Variants in NEGR1 observed in about 807,000 individuals in gnomAD.
NEGR1 encodes the protein neuronal growth regulator 1.
NEGR1 carries 10 observed loss-of-function variants against 40.9 expected under a neutral mutation model. The observed-to-expected ratio is 0.24, with a 90% CI of 0.15 to 0.42. The LOEUF (loss-of-function observed/expected upper bound fraction) is 0.42, where lower values mean the gene tolerates loss of function less well. Among genes scored for constraint, NEGR1 ranks in the 10% least tolerant of loss-of-function variants. The pLI is 1.00. For missense variants in NEGR1, 352 were observed against 438.9 expected (o/e 0.80, Z 1.77); for synonymous variants, 185 against 166.8 (o/e 1.11, Z -0.84).
intron 2 of NEGR1, among the ~76,000 whole-genome samples, chr1:71,789,180 G>A (rs1657022128): frequency 6.6e-6 from 1 of 152,052 alleles, no homozygotes; most frequent in African/African-American, 2.4e-5. Context: ...TCATCCCTGT[G>A]GCTGTAACTG....
chr1:71,636,526 G>T (rs1651156377), intron 4 of NEGR1, among the ~76,000 whole-genome samples: 1 of 152,004 alleles, frequency 6.6e-6, no homozygotes, highest in African/African-American at 2.4e-5. Context: ...TGGATTGACA[G>T]GAAATAGCAC....
At chr1:71,808,187 T>C (rs1296946545) in intron 2 of NEGR1, among the ~76,000 whole-genome samples, 1 of 151,970 alleles carries the variant, frequency 6.6e-6, no homozygotes, top group Non-Finnish European at 1.5e-5. Flanking sequence ...AGAGGGAAAA[T>C]CACTCTGAAA....
At chr1:71,959,734 A>G (rs1187000452) in intron 1 of NEGR1, among the ~76,000 whole-genome samples, 2 of 151,924 alleles carry the variant, frequency 1.3e-5, no homozygotes, top group African/African-American at 4.8e-5. Context: ...GTATTTTTTC[A>G]TATCCAATTT....
At chr1:72,043,848 A>G (rs543431940) in intron 1 of NEGR1, among the ~76,000 whole-genome samples, 52 of 151,904 alleles carry the variant, frequency 3.4e-4, no homozygotes, top group Non-Finnish European at 7.7e-4. Flanking sequence ...CAAGGACAAT[A>G]CAATACTCCT....
chr1:72,032,331 C>T lies in NEGR1; in HGVS notation c.177-97020G>A, dbSNP rs139644338. 5.9e-5 allele frequency among the ~76,000 whole-genome samples: 9 copies of T among 152,166 alleles called. No homozygotes were observed. In the East Asian group the frequency reaches 7.7e-4, roughly 13 times the overall value. ...ACAGAGGGGCAGGAACCAAGAAGAACGTAGTGCACAGAATAATGGGCAGAG... is the reference window on the plus strand; with the variant it reads ...ACAGAGGGGCAGGAACCAAGAAGAATGTAGTGCACAGAATAATGGGCAGAG... On this transcript the variant is annotated intron_variant, in intron 1 of 6. Transcript: ENST00000357731.
intron 1 of NEGR1, among the ~76,000 whole-genome samples, chr1:72,110,563 C>T (rs1649320977): frequency 6.6e-6 from 1 of 151,612 alleles, no homozygotes; most frequent in Non-Finnish European, 1.5e-5. Context: ...TTTTTAAAAA[C>T]TTCAGTTTAT....
chr1:72,067,606 C>T (rs553682742), intron 1 of NEGR1, among the ~76,000 whole-genome samples: 8 of 152,164 alleles, frequency 5.3e-5, no homozygotes, highest in African/African-American at 1.4e-4. Context: ...AGTAACTTTC[C>T]TAATCTGTGC....
chr1:71,731,419 T>A (rs1312851963), intron 3 of NEGR1, among the ~76,000 whole-genome samples: 1 of 152,166 alleles, frequency 6.6e-6, no homozygotes, highest in Non-Finnish European at 1.5e-5. Context: ...CACCCTGGTG[T>A]CTGAAATTAT....
At chr1:71,793,404 C>T (rs1387468426) in intron 2 of NEGR1, among the ~76,000 whole-genome samples, 2 of 147,660 alleles carry the variant, frequency 1.4e-5, no homozygotes, top group East Asian at 2.0e-4. Flanking sequence ...CCACCACGCC[C>T]GGCCTGGGAT....
At chr1:71,431,743 A>T (rs995230965) in intron 6 of NEGR1, among the ~76,000 whole-genome samples, 1 of 152,258 alleles carries the variant, frequency 6.6e-6, no homozygotes, top group African/African-American at 2.4e-5. Context: ...AAGTAGTGAT[A>T]CATTCTAAAA....
chr1:72,175,993 T>C (rs1033655577), intron 1 of NEGR1, among the ~76,000 whole-genome samples: 27 of 152,168 alleles, frequency 1.8e-4, no homozygotes, highest in African/African-American at 6.3e-4. Flanking sequence ...TAAGATACTT[T>C]GCAAGCCTTA....
chr1:71,822,910 C>T (rs1246688864), intron 2 of NEGR1, among the ~76,000 whole-genome samples: 2 of 151,978 alleles, frequency 1.3e-5, no homozygotes, highest in African/African-American at 2.4e-5. Flanking sequence ...GTATTAGAAC[C>T]GCCTGCTGAA....
At chr1:71,591,463 C>T (rs1166729132) in intron 6 of NEGR1, among the ~76,000 whole-genome samples, 1 of 152,084 alleles carries the variant, frequency 6.6e-6, no homozygotes, top group Non-Finnish European at 1.5e-5. Context: ...TTTTTCTTTA[C>T]TTTGCCGTGT....
intron 1 of NEGR1, among the ~76,000 whole-genome samples, chr1:72,122,372 G>T (rs1017334526): frequency 1.3e-5 from 2 of 151,880 alleles, no homozygotes; most frequent in Non-Finnish European, 2.9e-5. Context: ...AATGGCCTTT[G>T]CAAGAACATG....
chr1:72,020,767 A>C (rs942314998), intron 1 of NEGR1, among the ~76,000 whole-genome samples: 1 of 152,200 alleles, frequency 6.6e-6, no homozygotes, highest in Non-Finnish European at 1.5e-5. Flanking sequence ...AAAGATATAA[A>C]ATGCTTAATT....
intron 1 of NEGR1, among the ~76,000 whole-genome samples, chr1:71,936,347 C>G (rs2768395): frequency 5.3e-5 from 8 of 151,958 alleles, no homozygotes; most frequent in Non-Finnish European, 1.2e-4. Flanking sequence ...TGGATTTAAA[C>G]AGGTATTGTC....
At chr1:72,058,490 T>C (rs1003428839) in intron 1 of NEGR1, among the ~76,000 whole-genome samples, 3 of 151,652 alleles carry the variant, frequency 2.0e-5, no homozygotes, top group African/African-American at 7.3e-5. Flanking sequence ...TAGCAGTACA[T>C]TTTGAAAATG....
At chr1:71,546,249 T>C (rs572132601) in intron 6 of NEGR1, among the ~76,000 whole-genome samples, 9 of 151,574 alleles carry the variant, frequency 5.9e-5, no homozygotes, top group Non-Finnish European at 8.9e-5. Context: ...CAACAGAGGG[T>C]AAAATGAAAA....
At chr1:72,097,138 T>C (rs940629503) in intron 1 of NEGR1, among the ~76,000 whole-genome samples, 4 of 152,190 alleles carry the variant, frequency 2.6e-5, no homozygotes, top group African/African-American at 9.6e-5. Context: ...TGAGAAGTGG[T>C]ATTTTATAAT....
Sources: gnomAD v4.1 joint callset for allele counts (sites outside exome capture counted in the v4.1 genomes callset) on GRCh38, gnomAD v4.1.1 for gene constraint, MANE v1.5 for transcripts, NCBI Gene and HGNC (gene_info 2026-07-23, HGNC 2026-07-21) for gene names.